Variants in OR2L13 observed in about 807,000 individuals in gnomAD.
OR2L13 encodes olfactory receptor family 2 subfamily L member 13, also known as olfactory receptor 2L13.
Under a neutral mutation model 15.3 loss-of-function variants are expected in OR2L13, and 14 were observed. The observed-to-expected ratio is 0.91, with a 90% CI of 0.60 to 1.43. The LOEUF (loss-of-function observed/expected upper bound fraction) is 1.43. Ranked by LOEUF, OR2L13 falls within the 40% of genes most tolerant of loss-of-function variation. OR2L13 has a pLI of 0.00. For synonymous variants in OR2L13, 152 were observed against 142.9 expected, an observed-to-expected ratio of 1.06 and a Z score of -0.45; for missense variants, 367 against 387.9, an observed-to-expected ratio of 0.95 and a Z score of 0.45.
chr1:248,024,839 G>A, the OR2L13 span, among the ~76,000 whole-genome samples: 1 of 152,166 alleles, frequency 6.6e-6, no homozygotes, highest in Admixed American at 6.5e-5. Context: ...GTCAGGTAGT[G>A]TGATGCCCCC....
At chr1:248,079,801 G>T in the OR2L13 span, among the ~76,000 whole-genome samples, 11 of 152,152 alleles carry the variant, frequency 7.2e-5, no homozygotes, top group Non-Finnish European at 1.3e-4. Context: ...CTATCTTTAT[G>T]ACTTGGATTA....
At chr1:247,956,281 C>G in the OR2L13 span, among the ~76,000 whole-genome samples, 1 of 152,068 alleles carries the variant, frequency 6.6e-6, no homozygotes, top group Admixed American at 6.6e-5. Context: ...TCTGAGGGCT[C>G]TCTTCTGTTC....
At chr1:247,988,284 C>G in the OR2L13 span, among the ~76,000 whole-genome samples, 1 of 151,488 alleles carries the variant, frequency 6.6e-6, no homozygotes, top group Non-Finnish European at 1.5e-5. Context: ...TTTCTTTTTT[C>G]CTTCTGATAG....
the OR2L13 span, chr1:248,060,996 A>G: frequency 1.2e-6 from 2 of 1,613,942 alleles, no homozygotes; most frequent in African/African-American, 1.3e-5. Context: ...TCTTCTCGGC[A>G]TTAGGAGGTG....
the OR2L13 span, among the ~76,000 whole-genome samples, chr1:248,035,125 A>T: frequency 6.6e-6 from 1 of 150,450 alleles, no homozygotes; most frequent in African/African-American, 2.5e-5. Context: ...GAAAGTGGAC[A>T]TTTTTGTCTT....
At chr1:247,994,312 G>T in the OR2L13 span, among the ~76,000 whole-genome samples, 1 of 152,142 alleles carries the variant, frequency 6.6e-6, no homozygotes, top group South Asian at 2.1e-4. Flanking sequence ...CAGGAGAATG[G>T]CGTGAACCCG....
chr1:248,060,642 C>T, the OR2L13 span: 1 of 1,515,804 alleles, frequency 6.6e-7, no homozygotes, highest in Non-Finnish European at 9.0e-7. Flanking sequence ...GCTTAACTTA[C>T]CCTTGTGTCT....
chr1:247,960,239 AGGCTGCAGAACAGCG>A, the OR2L13 span, among the ~76,000 whole-genome samples: 2 of 152,148 alleles, frequency 1.3e-5, no homozygotes, highest in Non-Finnish European at 2.9e-5. Flanking sequence ...TCAGCAGCGG[AGGCTGCAGAACAGCG>A]GATATTGGTG....
At chr1:248,034,997 T>C in the OR2L13 span, among the ~76,000 whole-genome samples, 1 of 152,036 alleles carries the variant, frequency 6.6e-6, no homozygotes, top group Non-Finnish European at 1.5e-5. Flanking sequence ...CATAAACAAA[T>C]AAAAATTATT....
the OR2L13 span, chr1:248,061,529 T>C: frequency 6.2e-6 from 10 of 1,613,724 alleles, 1 homozygote; most frequent in Admixed American, 8.3e-5. Context: ...CTCACTCCAA[T>C]GCTCAACCCC....
the OR2L13 span, among the ~76,000 whole-genome samples, chr1:247,972,711 G>A: frequency 6.6e-6 from 1 of 152,156 alleles, no homozygotes; most frequent in Admixed American, 6.5e-5. Context: ...AGAAGAGTTG[G>A]TACCATTCAT....
the OR2L13 span, among the ~76,000 whole-genome samples, chr1:247,963,998 C>T: frequency 1.1e-4 from 16 of 152,282 alleles, no homozygotes; most frequent in African/African-American, 2.4e-4. Context: ...AATGTCAGCA[C>T]GCTCAGAAGC....
the OR2L13 span, among the ~76,000 whole-genome samples, chr1:248,015,059 C>T: frequency 2.6e-5 from 4 of 152,154 alleles, no homozygotes; most frequent in Non-Finnish European, 4.4e-5. Flanking sequence ...GATGCACTAT[C>T]GTGGACCTCA....
At chr1:248,078,207 G>A in the OR2L13 span, among the ~76,000 whole-genome samples, 3 of 152,188 alleles carry the variant, frequency 2.0e-5, no homozygotes, top group Non-Finnish European at 4.4e-5. Context: ...AGCTGGCTGG[G>A]CGCGGTGCCT....
At chr1:247,994,903 C>G in the OR2L13 span, among the ~76,000 whole-genome samples, 2 of 152,144 alleles carry the variant, frequency 1.3e-5, no homozygotes, top group Non-Finnish European at 2.9e-5. Flanking sequence ...AACACTCAAT[C>G]AGACTGACTT....
chr1:248,060,879 C>T, the OR2L13 span: 4 of 1,613,862 alleles, frequency 2.5e-6, no homozygotes, highest in Admixed American at 1.7e-5. Context: ...GTCAGCTCTC[C>T]CTCATTGACC....
exon 3 of OR2L13, chr1:248,099,518 T>G (rs778903575): frequency 6.2e-7 from 1 of 1,614,044 alleles, no homozygotes; most frequent in Non-Finnish European, 8.5e-7. Context: ...ATTCACCTCA[T>G]CCACGTGGAT....
the OR2L13 span, among the ~76,000 whole-genome samples, chr1:248,073,739 A>G: frequency 1.3e-5 from 2 of 151,902 alleles, no homozygotes; most frequent in African/African-American, 2.4e-5. Flanking sequence ...CATTAATGAA[A>G]GAGTGCATGG....
chr1:247,949,881 A>G, the OR2L13 span: 1 of 1,081,608 alleles, frequency 9.2e-7, no homozygotes, highest in Non-Finnish European at 1.3e-6. Flanking sequence ...TCCTTCCTAG[A>G]GTGCAGGACT....
Sources: allele counts gnomAD v4.1 joint callset (sites outside exome capture counted in the v4.1 genomes callset), GRCh38; gene constraint gnomAD v4.1.1; transcripts MANE v1.5; gene names NCBI Gene and HGNC (gene_info 2026-07-23, HGNC 2026-07-21).